Variants in IRAK1 observed in about 807,000 individuals in gnomAD.
The protein encoded by IRAK1 is interleukin 1 receptor associated kinase 1.
IRAK1 carries 9 observed loss-of-function variants against 49.8 expected under a neutral mutation model. That is an observed-to-expected ratio of 0.18 (90% CI 0.11 to 0.32). The LOEUF is 0.32. Among genes scored for constraint, IRAK1 ranks in the 10% least tolerant of loss-of-function variants. The pLI is 1.00. For synonymous variants in IRAK1, 282 were observed against 270.8 expected (o/e 1.04, Z -0.41); for missense variants, 418 against 600.5 (o/e 0.70, Z 3.18).
At chrX:154,019,102 G>C (rs369303073) in intron 3 of IRAK1, 24 bp from the exon 4 acceptor site, 6 of 1,201,585 alleles carry the variant, frequency 5.0e-6, no homozygotes, top group Non-Finnish European at 2.3e-6. Flanking sequence ...CCAGTGAGAG[G>C]CAGGCAGAGA....
chrX:154,017,113 CT>C lies in IRAK1; in HGVS notation c.910-47del, dbSNP rs782617998. ...AGGGGAGGTTGCTGGATGGCCGTTC[CT>C]TGATCCCAACCATCCTTCTACCTGT... On this transcript the variant is annotated intron_variant, in intron 7 of 13. Transcript: ENST00000369980. 1,921 of 826,588 alleles carry C rather than the reference CT, an allele frequency of 2.3e-3. 3 individuals carry two copies. The highest frequency in any genetic ancestry group is 3.1e-3 in the Non-Finnish European group (1,694 of 546,108). The allele number at this position is 826,588 out of a possible 1,213,427, so 68.1% of individuals were successfully genotyped here.
At chrX:154,014,491 GAC>G in intron 10 of IRAK1, 1 of 414,855 alleles carries the variant, frequency 2.4e-6, no homozygotes, top group Non-Finnish European at 4.1e-6. Context: ...ACAGGTGTGA[GAC>G]ACTGTGCCAC....
chrX:154,010,998 G>A lies in IRAK1; in HGVS notation c.*861C>T, dbSNP rs2065693916. 2.9e-6 allele frequency: 1 copy of A among 342,814 alleles called. No homozygotes were observed. The highest frequency in any genetic ancestry group is 5.9e-6 in the Non-Finnish European group (1 of 170,254). The allele number at this position is 342,814 out of a possible 1,213,427, so 28.3% of individuals were successfully genotyped here. On this transcript the variant is annotated 3_prime_UTR_variant, in exon 14 of 14. Transcript: ENST00000369980. ...AAGACACTGGCCCGAGGTTGGAGGT[G>A]GGTGCTGCTCGACTTTCTGGAGGAT...
chrX:154,013,964 A>G, intron 11 of IRAK1, 78 bp downstream of exon 11: 2 of 1,108,304 alleles, frequency 1.8e-6, no homozygotes, highest in Non-Finnish European at 2.4e-6. Context: ...GCAGGTGCTG[A>G]GATGGGGTCA....
In IRAK1 at chrX:154,014,162, G is replaced by C. The variant is rs373297600; in HGVS notation, c.1419C>G (p.Ile473Met). 4.1e-5 allele frequency: 50 copies of C among 1,208,018 alleles called. No homozygotes were observed. Among genetic ancestry groups the C allele is most frequent in the Non-Finnish European group, 5.3e-5 (47 of 894,417 alleles). Reference sequence around the variant, plus strand: ...GCCTGGGGTCCAGGTGCTTCTTGTAGATCTGCATGGCGATGGGAGCAGCCC... The same window carrying C: ...GCCTGGGGTCCAGGTGCTTCTTGTACATCTGCATGGCGATGGGAGCAGCCC... ...DAWAAPIAMQ[I>M]YKKHLDPRPG... The change falls in exon 11 of 14, where the codon ATC becomes ATG. Residue 473 changes from isoleucine (I) to methionine (M), a missense_variant. Physicochemically the swap from Ile to Met is conservative, Grantham distance 10. Around this residue, in one of 3 missense-constraint regions of IRAK1, gnomAD observed 377 missense variants for 499.5 expected, o/e 0.75. Coordinates refer to ENST00000369980, the MANE Select transcript of IRAK1 (RefSeq NM_001569.4).
At chrX:154,018,243 C>CG (rs1454354007) in intron 6 of IRAK1, 48 bp downstream of exon 6, 9 of 1,070,202 alleles carry the variant, frequency 8.4e-6, no homozygotes, top group Non-Finnish European at 1.1e-5. Context: ...CTGTGGTGTG[C>CG]GGTCTGAAGC....
Position 154,011,051 on chromosome X carries a change from T to G in IRAK1, c.*808A>C. ...CAGAATTCTCGCTTCTTGCTAGGAC[T>G]GAACCATGAGACTTACAGCCATACT... On this transcript the variant is annotated 3_prime_UTR_variant, in exon 14 of 14. Transcript: ENST00000369980. 2.9e-6 allele frequency: 1 copy of G among 342,803 alleles called. No individual in the cohort carries two copies. The highest frequency in any genetic ancestry group is 2.6e-5 in the South Asian group (1 of 38,607). The allele number at this position is 342,803 out of a possible 1,213,427, so 28.3% of individuals were successfully genotyped here.
intron 7 of IRAK1, among the ~76,000 whole-genome samples, chrX:154,017,567 G>A (rs782433726): frequency 5.6e-4 from 62 of 111,632 alleles, no homozygotes; most frequent in Admixed American, 2.8e-4. Context: ...AGGCTGAGGC[G>A]CGCAGACCAC....
At chrX:154,016,666 C>T (rs1203074917) in intron 8 of IRAK1, 22 bp from the exon 9 acceptor site, 7 of 1,158,218 alleles carry the variant, frequency 6.0e-6, no homozygotes, top group East Asian at 3.0e-5. Context: ...AAGACAGTGG[C>T]GTCAGCCCGG....
intron 11 of IRAK1, among the ~76,000 whole-genome samples, 199 bp from the exon 12 acceptor site, chrX:154,013,632 G>C (rs1169092315): frequency 8.8e-6 from 1 of 113,037 alleles, no homozygotes; most frequent in African/African-American, 3.2e-5. Flanking sequence ...GCTGCCAAAA[G>C]CAAGGACTGA....
chrX:154,019,606 G>A lies in IRAK1; in HGVS notation c.137-8C>T. On this transcript the variant is annotated splice_polypyrimidine_tract_variant and splice_region_variant and intron_variant, in intron 1 of 13. Coordinates refer to ENST00000369980, the MANE Select transcript of IRAK1 (RefSeq NM_001569.4). ...CGCGCACGATCAGGGCGGCTGCGGG[G>A]CGGGGGGCGTCAGGCGTCGGCGCCA... 3 of 1,003,568 alleles carry A rather than the reference G, an allele frequency of 3.0e-6. No individual in the cohort carries two copies. Among genetic ancestry groups the A allele is most frequent in the South Asian group, 3.5e-5 (1 of 28,758 alleles). 82.7% of individuals were successfully genotyped at this position (1,003,568 alleles called of 1,213,427 possible). A position where few individuals can be genotyped will look rare whatever the true frequency, so the allele number is the denominator to read the frequency against.
At chrX:154,015,598 C>T (rs781970104) in intron 10 of IRAK1, among the ~76,000 whole-genome samples, 70 of 112,836 alleles carry the variant, frequency 6.2e-4, no homozygotes, top group Admixed American at 6.5e-4. Context: ...CCACAGTCCA[C>T]GGTGAGGCAG....
In IRAK1 at chrX:154,019,769, G is replaced by A; in HGVS notation, c.44C>T (p.Ala15Val). 2.2e-6 allele frequency: 2 copies of A among 927,055 alleles called. No individual in the cohort carries two copies. The highest frequency in any genetic ancestry group is 2.7e-6 in the Non-Finnish European group (2 of 747,718). The allele number at this position is 927,055 out of a possible 1,213,427, so 76.4% of individuals were successfully genotyped here. A position where few individuals can be genotyped will look rare whatever the true frequency, so the allele number is the denominator to read the frequency against. Reference protein sequence around the residue: ...PGPGEPAAPGAQHFLYEVPPW... With the variant: ...PGPGEPAAPGVQHFLYEVPPW... The stretch of plus-strand genomic sequence containing the variant: ...CGGCACCTCGTACAAGAAGTGCTGG[G>A]CGCCGGGGGCTGCGGGCTCCCCCGG... Residue 15 changes from alanine (A) to valine (V), a missense_variant, in exon 1 of 14, where the codon GCC becomes GTC. This residue lies in a region of IRAK1 where 20 missense variants were observed against 16.1 expected (regional missense o/e 1.24). Transcript: ENST00000369980.
In IRAK1 at chrX:154,011,780, G is replaced by A. The variant is rs1557127533; in HGVS notation, c.*79C>T. ...CCACCCCCACTGCCGGCAGAGTGCTGAGGACTCGTGCACCATGAGAACTTC... is the reference window on the plus strand; with the variant it reads ...CCACCCCCACTGCCGGCAGAGTGCTAAGGACTCGTGCACCATGAGAACTTC... On this transcript the variant is annotated 3_prime_UTR_variant, in exon 14 of 14. Coordinates refer to ENST00000369980, the MANE Select transcript of IRAK1 (RefSeq NM_001569.4). 1.7e-5 allele frequency: 17 copies of A among 995,019 alleles called. No individual in the cohort carries two copies. The Admixed American group carries it at 2.6e-4, about 15-fold the overall frequency. The allele number at this position is 995,019 out of a possible 1,213,427, so 82.0% of individuals were successfully genotyped here. A position where few individuals can be genotyped will look rare whatever the true frequency, so the allele number is the denominator to read the frequency against.
chrX:154,017,985 TGCCGG>T lies in IRAK1; in HGVS notation c.909+16_909+20del. On this transcript the variant is annotated intron_variant, in intron 7 of 13. Coordinates refer to ENST00000369980, the MANE Select transcript of IRAK1 (RefSeq NM_001569.4). Reference sequence around the variant, plus strand: ...GGAGTGCTTTGGGTCCTGGGAAGCGTGCCGGGCCAGGTGAGCCTACCTGGCAGTGG... The same window carrying T: ...GGAGTGCTTTGGGTCCTGGGAAGCGTGCCAGGTGAGCCTACCTGGCAGTGG... 9.0e-7 allele frequency: 1 copy of T among 1,116,403 alleles called. No homozygotes were observed. The highest frequency in any genetic ancestry group is 1.8e-5 in the African/African-American group (1 of 55,449). 92.0% of individuals were successfully genotyped at this position (1,116,403 alleles called of 1,213,427 possible). A position where few individuals can be genotyped will look rare whatever the true frequency, so the allele number is the denominator to read the frequency against.
At chrX:154,016,891 C>A (rs1489630780) in intron 8 of IRAK1, 58 bp downstream of exon 8, 44 of 892,293 alleles carry the variant, frequency 4.9e-5, no homozygotes, top group Non-Finnish European at 6.9e-5. Flanking sequence ...ATTGATAGGA[C>A]GCGGGGCCCC....
chrX:154,012,974 G>A (rs2065710857), intron 12 of IRAK1, 69 bp downstream of exon 12: 1 of 1,145,291 alleles, frequency 8.7e-7, no homozygotes, highest in Non-Finnish European at 1.2e-6. Context: ...AGGCTGGGGT[G>A]GGGACTTACA....
chrX:154,019,351 G>GAAGGTTGAGGCCC (rs1557130780), intron 2 of IRAK1, 23 bp from the exon 3 acceptor site: 1 of 1,151,490 alleles, frequency 8.7e-7, no homozygotes, highest in South Asian at 2.1e-5. Context: ...GGAAGGAAAG[G>GAAGGTTGAGGCCC]AAGGTTGAGG....
intron 10 of IRAK1, among the ~76,000 whole-genome samples, chrX:154,015,733 C>G (rs1230128325): frequency 8.9e-6 from 1 of 112,111 alleles, no homozygotes; most frequent in Non-Finnish European, 1.9e-5. Context: ...CGCCTTTCTC[C>G]GGCCAGAGTC....
Sources: allele counts gnomAD v4.1 joint callset (sites outside exome capture counted in the v4.1 genomes callset), GRCh38; gene constraint gnomAD v4.1.1; regional missense constraint gnomAD v4.1.1; transcripts MANE v1.5; gene names NCBI Gene and HGNC (gene_info 2026-07-23, HGNC 2026-07-21).